Variants in MDN1 observed in about 807,000 individuals in gnomAD.
MDN1 encodes midasin.
MDN1 carries 266 observed loss-of-function variants against 669.2 expected under a neutral mutation model. The ratio of observed to expected loss-of-function variants is 0.40; its 90% CI spans 0.36 to 0.44. The LOEUF (loss-of-function observed/expected upper bound fraction) is 0.44. MDN1 is among the 20% of genes least tolerant of loss of function. The probability of loss-of-function intolerance (pLI) is 1.00; values close to 1 mark genes in which losing one functional copy is unlikely to be tolerated. For synonymous variants in MDN1, 2,385 were observed against 2,457.1 expected (o/e 0.97, Z 0.87); for missense variants, 5,940 against 6,754.0 (o/e 0.88, Z 4.22).
intron 29 of MDN1, 74 bp from the exon 30 acceptor site, chr6:89,743,788 A>C: frequency 1.3e-6 from 2 of 1,513,358 alleles, no homozygotes; most frequent in Non-Finnish European, 9.0e-7. Flanking sequence ...CCCTCAGCAA[A>C]AGAGAAGAAC....
chr6:89,647,400 T>C (rs1808558658), intron 99 of MDN1, among the ~76,000 whole-genome samples: 2 of 152,322 alleles, frequency 1.3e-5, no homozygotes, highest in Admixed American at 1.3e-4. Flanking sequence ...CTTCATATCA[T>C]TTCTTCTCTA....
chr6:89,755,126 T>C (rs1817175473), intron 20 of MDN1, among the ~76,000 whole-genome samples: 1 of 152,142 alleles, frequency 6.6e-6, no homozygotes, highest in African/African-American at 2.4e-5. Context: ...GAATCTTAAC[T>C]ATACGTATTT....
intron 80 of MDN1, 36 bp downstream of exon 80, chr6:89,673,200 T>C: frequency 6.6e-7 from 1 of 1,522,176 alleles, no homozygotes; most frequent in Non-Finnish European, 9.1e-7. Context: ...ATTTCTACAC[T>C]GGACTTTCAT....
intron 30 of MDN1, 66 bp downstream of exon 30, chr6:89,743,510 C>G: frequency 6.5e-7 from 1 of 1,550,076 alleles, no homozygotes; most frequent in Non-Finnish European, 8.8e-7. Context: ...AGAAACCCCA[C>G]CACTAACTCA....
In MDN1 at chr6:89,684,982, G is replaced by C. The variant is rs376784593; in HGVS notation, c.11723C>G (p.Ser3908Ter). The stretch of plus-strand genomic sequence containing the variant: ...CAAATTCCATAGAACACTGCAAAGT[G>C]AATCTGGAAGAAATGAAAAGGAAAC... ...LLMPQVEGKD[S>*]LCSVLWNLYH... Residue 3908 changes from serine to a stop codon, truncating the protein, a stop_gained, in exon 71 of 102, where the codon TCA (serine) becomes TGA (stop). Coordinates refer to ENST00000369393, the MANE Select transcript of MDN1 (RefSeq NM_014611.3). LOFTEE classifies it high-confidence loss of function. 1.2e-6 allele frequency: 2 copies of C among 1,600,960 alleles called. No homozygotes were observed. Among genetic ancestry groups the C allele is most frequent in the Non-Finnish European group, 1.7e-6 (2 of 1,169,792 alleles).
At chr6:89,780,068 CAA>C (rs369893122) in intron 11 of MDN1, 142 bp downstream of exon 11, 106 of 375,684 alleles carry the variant, frequency 2.8e-4, no homozygotes, top group South Asian at 5.0e-4. Flanking sequence ...GACTTCGTCT[CAA>C]AAAAAAAAAA....
Position 89,758,270 on chromosome 6 carries a change from G to C in MDN1, c.2687C>G (p.Pro896Arg). 2 of 1,610,010 alleles carry C rather than the reference G, an allele frequency of 1.2e-6. No homozygotes were observed. The highest frequency in any genetic ancestry group is 1.7e-6 in the Non-Finnish European group (2 of 1,177,622). The change falls in exon 19 of 102, where the codon CCA (proline) becomes CGA (arginine). Residue 896 changes from proline to arginine, a missense_variant. Pro to Arg is a moderately radical substitution (Grantham distance 103). Coordinates refer to ENST00000369393, the MANE Select transcript of MDN1 (RefSeq NM_014611.3). ...AAACCCTCACCTGTTTCTTATTCCTGGTGGGAGATTTCTTTTGCCTACATC... is the reference window on the plus strand; with the variant it reads ...AAACCCTCACCTGTTTCTTATTCCTCGTGGGAGATTTCTTTTGCCTACATC... ...ATDVGKRNLP[P>R]GIRNRFTELY...
chr6:89,781,098 T>C (rs1052996681), intron 10 of MDN1: 2 of 367,164 alleles, frequency 5.4e-6, no homozygotes, highest in Non-Finnish European at 1.0e-5. Context: ...GAAAGAATTA[T>C]GTTAGGAGCC....
Position 89,730,883 on chromosome 6 carries a change from T to C in MDN1, c.4983A>G (p.Arg1661=). The part of the protein sequence containing the change: ...SSGFGTALLA[R]KECLKFLIKR... ...TGATTAGAAATTTCAGACATTCTTT[T>C]CGTGCCAAAAGGGCTGTACCAAACC... Residue 1661 remains arginine, a synonymous_variant, in exon 35 of 102, where the codon CGA becomes CGG. Coordinates refer to ENST00000369393, the MANE Select transcript of MDN1 (RefSeq NM_014611.3). 6.2e-7 allele frequency: 1 copy of C among 1,614,058 alleles called. No homozygotes were observed.
rs777240857 is a variant in MDN1 at position 89,692,469 on chromosome 6, G to A, written c.10561C>T (p.Leu3521=). 1.9e-6 allele frequency: 3 copies of A among 1,613,482 alleles called. No homozygotes were observed. The highest frequency in any genetic ancestry group is 4.5e-5 in the East Asian group (2 of 44,874). ...TGACACACATGTCTGAAGAGCTGCA[G>A]GGCCCTCTGGTCCAACTCTCCCTTG... The part of the protein sequence containing the change: ...LCKGELDQRA[L]QLFRHVCQEI... Residue 3521 remains leucine, a synonymous_variant, in exon 63 of 102, where the codon CTG becomes TTG. Coordinates refer to ENST00000369393, the MANE Select transcript of MDN1 (RefSeq NM_014611.3).
intron 25 of MDN1, 25 bp from the exon 26 acceptor site, chr6:89,749,394 A>T: frequency 6.2e-7 from 1 of 1,608,910 alleles, no homozygotes. Context: ...GGAAGAATGC[A>T]GTAAAAGGTG....
At chr6:89,796,324 C>CAAAAAAAAAAAAAAACAAAAAAAAA (rs1819593546) in intron 2 of MDN1, among the ~76,000 whole-genome samples, 1 of 45,392 alleles carries the variant, frequency 2.2e-5, no homozygotes, top group Non-Finnish European at 3.5e-5. Flanking sequence ...AACTCTGTCT[C>CAAAAAAAAAAAAAAACAAAAAAAAA]AAAAAAAAAA....
At chr6:89,657,991 A>T (rs970420675) in intron 90 of MDN1, among the ~76,000 whole-genome samples, 7 of 152,362 alleles carry the variant, frequency 4.6e-5, no homozygotes, top group South Asian at 2.1e-4. Flanking sequence ...AAATTGCTGA[A>T]TGAGGCATTT....
At chr6:89,797,585 G>A in intron 2 of MDN1, 1 of 404,406 alleles carries the variant, frequency 2.5e-6, no homozygotes, top group Non-Finnish European at 5.0e-6. Context: ...AGTAGTAGCA[G>A]TTGGACTGAT....
chr6:89,794,353 T>C, intron 3 of MDN1, 146 bp from the exon 4 acceptor site: 3 of 660,066 alleles, frequency 4.5e-6, no homozygotes, highest in Non-Finnish European at 5.1e-6. Context: ...TCAGGCACAA[T>C]GGATTTACTT....
chr6:89,657,749 CACA>C (rs1046059392), intron 90 of MDN1, among the ~76,000 whole-genome samples: 10 of 152,316 alleles, frequency 6.6e-5, no homozygotes, highest in African/African-American at 2.4e-4. Context: ...TCATGTACCA[CACA>C]ACAACGTTTC....
chr6:89,714,029 ACT>A (rs1341825509), intron 46 of MDN1, among the ~76,000 whole-genome samples: 1 of 148,836 alleles, frequency 6.7e-6, no homozygotes, highest in African/African-American at 2.5e-5. Flanking sequence ...ACAGAGTGAG[ACT>A]CTGTCTCAAA....
At chr6:89,730,294 T>G (rs553090877) in intron 35 of MDN1, among the ~76,000 whole-genome samples, 2 of 152,276 alleles carry the variant, frequency 1.3e-5, no homozygotes, top group Admixed American at 1.3e-4. Flanking sequence ...AGGGACCGGA[T>G]CAGGAATGAC....
chr6:89,643,412 T>A lies in MDN1; in HGVS notation c.*593A>T, dbSNP rs915597487. The A allele has an allele frequency of 6.6e-6, 1 of 152,208 alleles. No individual in the cohort carries two copies. The highest frequency in any genetic ancestry group is 1.5e-5 in the Non-Finnish European group (1 of 68,042). 9.4% of individuals were successfully genotyped at this position (152,208 alleles called of 1,614,324 possible). On this transcript the variant is annotated 3_prime_UTR_variant, in exon 102 of 102. Coordinates refer to ENST00000369393, the MANE Select transcript of MDN1 (RefSeq NM_014611.3). ...TTTTTATAGATGACCTGGGCACCTA[T>A]AATGTCCAGTTGCTTTATGAGAACA...
Sources: gnomAD v4.1 joint callset for allele counts (sites outside exome capture counted in the v4.1 genomes callset) on GRCh38, gnomAD v4.1.1 for gene constraint, MANE v1.5 for transcripts, NCBI Gene and HGNC (gene_info 2026-07-23, HGNC 2026-07-21) for gene names.